The following ELN variants were observed in gnomAD, a reference collection of about 807,000 sequenced individuals.
The protein encoded by ELN is tropoelastin.
In ELN, 65 loss-of-function variants were observed where a neutral mutation model predicts 105.8. The observed-to-expected ratio is 0.61, with a 90% CI of 0.50 to 0.75. The LOEUF is 0.75. Among genes scored for constraint, ELN ranks in the 30% least tolerant of loss-of-function variants. ELN has a pLI of 0.00. For synonymous variants in ELN, 368 were observed against 389.2 expected, an observed-to-expected ratio of 0.95 and a Z score of 0.64; for missense variants, 882 against 969.4, an observed-to-expected ratio of 0.91 and a Z score of 1.20.
intron 15 of ELN, among the ~76,000 whole-genome samples, chr7:74,050,490 C>T (rs187942452): frequency 4.6e-5 from 7 of 152,006 alleles, no homozygotes; most frequent in Admixed American, 2.6e-4. Context: ...CCCATTCTTC[C>T]GTGCATCCCT....
intron 1 of ELN, among the ~76,000 whole-genome samples, chr7:74,033,895 G>T (rs2131079274): frequency 6.6e-6 from 1 of 152,312 alleles, no homozygotes; most frequent in African/African-American, 2.4e-5. Context: ...CTCAGAGGGG[G>T]GCCTTCTGAG....
chr7:74,048,562 T>A lies in ELN; in HGVS notation c.799+6T>A, dbSNP rs375623533. The A allele has an allele frequency of 2.5e-6, 4 of 1,613,622 alleles. No individual in the cohort carries two copies. The African/African-American group carries it at 5.3e-5, about 22-fold the overall frequency. ...TAAAGCAGCAGCAAAGTTCGGTGAG[T>A]GCCCCTGGAGTCCCCACCTGGTGGC... On this transcript the variant is annotated splice_donor_region_variant and intron_variant, in intron 15 of 32. Transcript: ENST00000252034.
chr7:74,056,354 G>A lies in ELN; in HGVS notation c.1234G>A (p.Gly412Arg), dbSNP rs375116795. 88 of 1,613,496 alleles carry A rather than the reference G, an allele frequency of 5.5e-5. No homozygotes were observed. Among genetic ancestry groups the A allele is most frequent in the East Asian group, 1.1e-4 (5 of 44,888 alleles). Residue 412 changes from glycine to arginine, a missense_variant, in exon 20 of 33, where the codon GGA becomes AGA. Coordinates refer to ENST00000252034, the MANE Select transcript of ELN (RefSeq NM_000501.4). ...GGFPGFGVGV[G>R]GIPGVAGVPG... is the part of the protein sequence containing the mutation. ...CTTTCCCGGCTTTGGTGTCGGAGTCGGAGGTATCCCTGGAGTCGCAGGTGT... is the reference window on the plus strand; with the variant it reads ...CTTTCCCGGCTTTGGTGTCGGAGTCAGAGGTATCCCTGGAGTCGCAGGTGT...
chr7:74,058,978 A>G (rs1202333806), intron 22 of ELN, among the ~76,000 whole-genome samples: 1 of 152,088 alleles, frequency 6.6e-6, no homozygotes, highest in Non-Finnish European at 1.5e-5. Context: ...GTTGGAGTGC[A>G]GTGATGCCGT....
chr7:74,032,816 A>AGAT (rs1554663265), intron 1 of ELN, among the ~76,000 whole-genome samples: 12 of 152,198 alleles, frequency 7.9e-5, no homozygotes, highest in Non-Finnish European at 4.4e-5. Flanking sequence ...GGGGACTCCC[A>AGAT]GGGCAGATGG....
chr7:74,045,166 C>T (rs1792171722), intron 9 of ELN, 56 bp from the exon 10 acceptor site: 2 of 1,606,596 alleles, frequency 1.2e-6, no homozygotes, highest in African/African-American at 1.3e-5. Context: ...GGGAGGGGTT[C>T]CCAGCAGGGC....
intron 19 of ELN, among the ~76,000 whole-genome samples, chr7:74,055,427 T>TA (rs1199231656): frequency 1.3e-5 from 2 of 151,856 alleles, no homozygotes; most frequent in East Asian, 3.9e-4. Context: ...AAAATAAAAA[T>TA]AAAAAATAAA....
intron 15 of ELN, among the ~76,000 whole-genome samples, chr7:74,049,501 A>G (rs577262613): frequency 7.2e-6 from 1 of 139,130 alleles, no homozygotes; most frequent in East Asian, 2.2e-4. Context: ...ATTCCCCCAT[A>G]TACCCATTCA....
At chr7:74,028,328 G>T in intron 1 of ELN, 59 bp downstream of exon 1, 1 of 1,558,398 alleles carries the variant, frequency 6.4e-7, no homozygotes, top group East Asian at 2.3e-5. Context: ...CTTTGGGCCA[G>T]GTGACTAGAC....
intron 23 of ELN, 39 bp from the exon 24 acceptor site, chr7:74,060,101 C>G (rs781962535): frequency 6.2e-7 from 1 of 1,614,014 alleles, no homozygotes; most frequent in Non-Finnish European, 8.5e-7. Flanking sequence ...CCATGGGCCC[C>G]GCCTCCATCT....
At chr7:74,031,040 G>A (rs925241017) in intron 1 of ELN, among the ~76,000 whole-genome samples, 1 of 152,214 alleles carries the variant, frequency 6.6e-6, no homozygotes, top group Non-Finnish European at 1.5e-5. Flanking sequence ...GGTCTTATCT[G>A]CTCCCCAAGC....
chr7:74,060,229 GA>G, intron 24 of ELN, 45 bp downstream of exon 24: 3 of 1,614,054 alleles, frequency 1.9e-6, no homozygotes, highest in Non-Finnish European at 1.7e-6. Context: ...AACGATCTCA[GA>G]GCTGGTTAGG....
chr7:74,045,185 C>A, intron 9 of ELN, 37 bp from the exon 10 acceptor site: 7 of 1,612,924 alleles, frequency 4.3e-6, no homozygotes, highest in Non-Finnish European at 5.9e-6. Flanking sequence ...GCCTGCAAGG[C>A]CTGCCTTCCT....
chr7:74,066,488 G>C (rs919176544), intron 31 of ELN, among the ~76,000 whole-genome samples: 2 of 152,110 alleles, frequency 1.3e-5, no homozygotes, highest in Admixed American at 1.3e-4. Flanking sequence ...AATCACTGGA[G>C]CCTGGGAAGC....
chr7:74,045,787 G>C (rs1792335499), intron 10 of ELN: 2 of 311,880 alleles, frequency 6.4e-6, no homozygotes, highest in Non-Finnish European at 1.2e-5. Context: ...AGTGGCTCAT[G>C]CCTGTAATCC....
At chr7:74,042,929 C>A in intron 6 of ELN, 55 bp from the exon 7 acceptor site, 1 of 1,614,016 alleles carries the variant, frequency 6.2e-7, no homozygotes, top group Non-Finnish European at 8.5e-7. Context: ...AGCCCCGGGC[C>A]CTTCTGCCTC....
chr7:74,061,566 C>T (rs1045866001), intron 26 of ELN, among the ~76,000 whole-genome samples: 9 of 152,116 alleles, frequency 5.9e-5, no homozygotes, highest in South Asian at 4.1e-4. Context: ...GCAGGAGAAT[C>T]GCTTGAACCC....
chr7:74,038,833 G>A (rs1033882873), intron 4 of ELN, among the ~76,000 whole-genome samples: 4 of 152,236 alleles, frequency 2.6e-5, no homozygotes, highest in African/African-American at 9.6e-5. Flanking sequence ...AAGTCCATCT[G>A]GGTTGTGAAA....
intron 22 of ELN, chr7:74,059,668 A>C: frequency 1.6e-6 from 1 of 628,942 alleles, no homozygotes; most frequent in Admixed American, 2.5e-5. Flanking sequence ...TGGGCGATAG[A>C]GTGAGACTCT....
Sources: gnomAD v4.1 joint callset for allele counts (sites outside exome capture counted in the v4.1 genomes callset) on GRCh38, gnomAD v4.1.1 for gene constraint, MANE v1.5 for transcripts, NCBI Gene and HGNC (gene_info 2026-07-23, HGNC 2026-07-21) for gene names.